The following WNK2 variants were observed in gnomAD, a reference collection of about 807,000 sequenced individuals.
WNK2 encodes WNK lysine deficient protein kinase 2.
Under a neutral mutation model 192.1 loss-of-function variants are expected in WNK2, and 67 were observed. The ratio of observed to expected loss-of-function variants is 0.35; its 90% CI spans 0.29 to 0.43. The LOEUF (loss-of-function observed/expected upper bound fraction) is 0.43, where lower values mean the gene tolerates loss of function less well. Ranked by LOEUF, WNK2 falls within the 20% of genes least tolerant of loss-of-function variation. The pLI is 1.00. For synonymous variants in WNK2, 1,439 were observed against 1,393.9 expected (o/e 1.03, Z -0.72); for missense variants, 2,698 against 3,089.7 (o/e 0.87, Z 3.01).
intron 2 of WNK2, among the ~76,000 whole-genome samples, chr9:93,215,197 C>T (rs1835521979): frequency 1.3e-5 from 2 of 152,152 alleles, no homozygotes; most frequent in Non-Finnish European, 1.5e-5. Flanking sequence ...TCTCGGCTCA[C>T]TGCAAACTCT....
At chr9:93,305,861 C>T (rs865788946) in intron 26 of WNK2, among the ~76,000 whole-genome samples, 25 of 152,212 alleles carry the variant, frequency 1.6e-4, no homozygotes, top group African/African-American at 5.1e-4. Flanking sequence ...GTAGACAGAG[C>T]CTCTGTGCTA....
intron 2 of WNK2, among the ~76,000 whole-genome samples, chr9:93,201,106 C>G (rs2131252979): frequency 6.6e-6 from 1 of 152,274 alleles, no homozygotes; most frequent in South Asian, 2.1e-4. Flanking sequence ...AGCAGAGGGT[C>G]CTGGTACCAC....
intron 25 of WNK2, among the ~76,000 whole-genome samples, chr9:93,299,618 C>T (rs1254304445): frequency 6.6e-6 from 1 of 151,906 alleles, no homozygotes; most frequent in Non-Finnish European, 1.5e-5. Context: ...CACAGCGGAG[C>T]CAGATGGTGC....
At chr9:93,218,266 A>G (rs1009148495) in intron 2 of WNK2, among the ~76,000 whole-genome samples, 1 of 152,012 alleles carries the variant, frequency 6.6e-6, no homozygotes, top group Non-Finnish European at 1.5e-5. Context: ...ACCCCACAGG[A>G]GCTGTTCTTG....
chr9:93,278,415 GCC>G (rs1314892078), intron 19 of WNK2, among the ~76,000 whole-genome samples: 1 of 152,180 alleles, frequency 6.6e-6, no homozygotes, highest in Non-Finnish European at 1.5e-5. Context: ...ACTCACACAG[GCC>G]TGGGAATGTC....
In WNK2 at chr9:93,292,922, G is replaced by A. The variant is rs775606523; in HGVS notation, c.5457G>A (p.Pro1819=). ...SGDEGPRARP[P]VQKQASLPVS... is the part of the protein sequence containing the mutation. ...ACGAGGGCCCTCGGGCGAGACCCCC[G>A]GTGCAGAAGCAGGCGTCCCTGCCCG... Residue 1819 remains proline, a synonymous_variant, in exon 23 of 30, where the codon CCG becomes CCA. Coordinates refer to ENST00000427277, the MANE Select transcript of WNK2 (RefSeq NM_006648.4). The A allele has an allele frequency of 6.6e-6, 10 of 1,526,474 alleles. No homozygotes were observed. Among genetic ancestry groups the A allele is most frequent in the African/African-American group, 4.1e-5 (3 of 72,342 alleles). 94.6% of individuals were successfully genotyped at this position (1,526,474 alleles called of 1,614,324 possible). A position where few individuals can be genotyped will look rare whatever the true frequency, so the allele number is the denominator to read the frequency against.
chr9:93,319,304 G>A, intron 29 of WNK2: 1 of 1,452,174 alleles, frequency 6.9e-7, no homozygotes, highest in Non-Finnish European at 9.1e-7. Context: ...CCAGTTCTGG[G>A]CTCAGCTGCA....
chr9:93,237,001 G>C (rs971077128), intron 5 of WNK2, among the ~76,000 whole-genome samples: 8 of 152,222 alleles, frequency 5.3e-5, no homozygotes, highest in Non-Finnish European at 7.3e-5. Flanking sequence ...AAATTCTGCA[G>C]CTGAGGTGGA....
intron 9 of WNK2, among the ~76,000 whole-genome samples, chr9:93,255,828 C>T (rs1843203377): frequency 6.6e-6 from 1 of 152,214 alleles, no homozygotes; most frequent in Non-Finnish European, 1.5e-5. Context: ...AATACCCATT[C>T]TGAGAGCTTA....
intron 7 of WNK2, among the ~76,000 whole-genome samples, chr9:93,241,021 C>T (rs1840669739): frequency 6.6e-6 from 1 of 152,156 alleles, no homozygotes; most frequent in Non-Finnish European, 1.5e-5. Flanking sequence ...ACTTTGGTCA[C>T]ACCCCTGCAG....
intron 29 of WNK2, chr9:93,319,073 C>G: frequency 6.2e-7 from 1 of 1,612,778 alleles, no homozygotes; most frequent in Non-Finnish European, 8.5e-7. Flanking sequence ...TTGCCCTGTT[C>G]CTTGAGTGAA....
chr9:93,221,372 G>A (rs369453604), intron 2 of WNK2, among the ~76,000 whole-genome samples: 15 of 152,210 alleles, frequency 9.9e-5, no homozygotes, highest in East Asian at 5.8e-4. Context: ...AGTTTTGTAC[G>A]TGCTCAAGGG....
At chr9:93,287,786 C>G (rs912186602) in intron 19 of WNK2, among the ~76,000 whole-genome samples, 2 of 152,012 alleles carry the variant, frequency 1.3e-5, no homozygotes, top group African/African-American at 4.8e-5. Context: ...GTGGGCTGGG[C>G]GTGGGGGCTC....
chr9:93,277,117 A>G (rs1847045408), intron 19 of WNK2, among the ~76,000 whole-genome samples: 1 of 152,186 alleles, frequency 6.6e-6, no homozygotes, highest in East Asian at 1.9e-4. Context: ...AATTAAGTAC[A>G]TGAAGAGTTG....
intron 23 of WNK2, among the ~76,000 whole-genome samples, chr9:93,296,365 A>C (rs1391053680): frequency 2.5e-4 from 1 of 4,022 alleles, no homozygotes; most frequent in Non-Finnish European, 4.6e-4. Context: ...TCCCCTCACC[A>C]TCCTCCCCTC....
At chr9:93,216,939 A>G (rs1237457168) in intron 2 of WNK2, among the ~76,000 whole-genome samples, 2 of 152,142 alleles carry the variant, frequency 1.3e-5, no homozygotes, top group Non-Finnish European at 2.9e-5. Context: ...GAATCAATAT[A>G]AAATTATCAA....
chr9:93,210,018 T>TG (rs1834206295), intron 2 of WNK2, among the ~76,000 whole-genome samples: 1 of 152,054 alleles, frequency 6.6e-6, no homozygotes, highest in African/African-American at 2.4e-5. Context: ...GGTGGGGAGT[T>TG]GGGGGTTCCC....
chr9:93,311,557 G>T (rs567043718), intron 28 of WNK2, among the ~76,000 whole-genome samples: 2 of 151,954 alleles, frequency 1.3e-5, no homozygotes, highest in South Asian at 2.1e-4. Context: ...GTGCACAAAG[G>T]TTCCAGTTTT....
At chr9:93,189,421 T>C (rs899276620) in intron 2 of WNK2, among the ~76,000 whole-genome samples, 2 of 152,138 alleles carry the variant, frequency 1.3e-5, no homozygotes, top group Non-Finnish European at 2.9e-5. Flanking sequence ...TAAAGAGGAC[T>C]AAGGGTGGGG....
Sources: gnomAD v4.1 joint callset for allele counts (sites outside exome capture counted in the v4.1 genomes callset) on GRCh38, gnomAD v4.1.1 for gene constraint, MANE v1.5 for transcripts, NCBI Gene and HGNC (gene_info 2026-07-23, HGNC 2026-07-21) for gene names.